The following IL1RAP variants were observed in gnomAD, a reference collection of about 807,000 sequenced individuals.
The protein encoded by IL1RAP is interleukin 1 receptor accessory protein, also known as interleukin-1 receptor accessory protein.
Under a neutral mutation model 60.7 loss-of-function variants are expected in IL1RAP, and 35 were observed. The observed-to-expected ratio is 0.58, with a 90% CI of 0.44 to 0.76. The LOEUF (loss-of-function observed/expected upper bound fraction) is 0.76. Among genes scored for constraint, IL1RAP ranks in the 30% least tolerant of loss-of-function variants. The probability of loss-of-function intolerance (pLI) is 0.00; values close to 1 mark genes in which losing one functional copy is unlikely to be tolerated. For missense variants in IL1RAP, 572 were observed against 693.9 expected (o/e 0.82, Z 1.97); for synonymous variants, 268 against 250.9 (o/e 1.07, Z -0.64).
chr3:190,565,855 A>G (rs530750228), intron 3 of IL1RAP, among the ~76,000 whole-genome samples: 3 of 152,240 alleles, frequency 2.0e-5, no homozygotes, highest in Non-Finnish European at 2.9e-5. Context: ...TTCCTTGACC[A>G]TCTTAACTAA....
At chr3:190,639,858 T>C (rs1733524496) in intron 9 of IL1RAP, among the ~76,000 whole-genome samples, 1 of 152,208 alleles carries the variant, frequency 6.6e-6, no homozygotes, top group Non-Finnish European at 1.5e-5. Context: ...TTCTAAAGCA[T>C]GTCATACCTG....
exon 12 of IL1RAP, chr3:190,657,638 C>A (rs1577842509): frequency 1.3e-5 from 2 of 152,156 alleles, no homozygotes; most frequent in East Asian, 3.9e-4. Flanking sequence ...GGGACATAGG[C>A]ACAGATAGTT....
chr3:190,600,192 C>T (rs145139593), intron 3 of IL1RAP, among the ~76,000 whole-genome samples: 13 of 152,246 alleles, frequency 8.5e-5, no homozygotes, highest in Admixed American at 6.5e-5. Context: ...GATGTGGCTG[C>T]ACAATTTTCT....
intron 1 of IL1RAP, among the ~76,000 whole-genome samples, chr3:190,520,993 G>T (rs984416924): frequency 6.6e-6 from 1 of 152,140 alleles, no homozygotes; most frequent in Non-Finnish European, 1.5e-5. Context: ...GACTTTGGCC[G>T]AATTATTTGG....
At position 190,649,148 on chromosome 3, in the gene IL1RAP, T is replaced by C; in HGVS notation, c.*443T>C. The C allele has an allele frequency of 4.1e-6, 4 of 987,290 alleles. No individual in the cohort carries two copies. In the South Asian group the frequency reaches 1.9e-4, roughly 46 times the overall value. The allele number at this position is 987,290 out of a possible 1,614,324, so 61.2% of individuals were successfully genotyped here. A position where few individuals can be genotyped will look rare whatever the true frequency, so the allele number is the denominator to read the frequency against. On this transcript the variant is annotated 3_prime_UTR_variant, in exon 12 of 12. Transcript: ENST00000447382. ...TATTTTTACTCGTCCGTTGAAAAGA[T>C]AATCAAGGCCTACATTTTAGCTGAG...
At position 190,581,533 on chromosome 3, in the gene IL1RAP, A is replaced by C. The variant is rs73886492; in HGVS notation, c.64+17180A>C. 3.1e-3 allele frequency among the ~76,000 whole-genome samples: 474 copies of C among 152,322 alleles called. 3 individuals are homozygous for C. Among genetic ancestry groups the C allele is most frequent in the African/African-American group, 0.011 (443 of 41,570 alleles). The stretch of plus-strand genomic sequence containing the variant: ...TCCAAATGTGAGCAAACCCTTGCCC[A>C]GCAGAGTTTTCACAAAATCCAGATG... On this transcript the variant is annotated intron_variant, in intron 3 of 11. Coordinates refer to ENST00000447382, the MANE Select transcript of IL1RAP (RefSeq NM_002182.4).
chr3:190,565,179 G>C (rs151238772), intron 3 of IL1RAP, among the ~76,000 whole-genome samples: 23 of 146,486 alleles, frequency 1.6e-4, no homozygotes, highest in Middle Eastern at 3.6e-3. Context: ...AAAAAAAAAA[G>C]AAACAAACAA....
intron 4 of IL1RAP, 73 bp downstream of exon 4, chr3:190,604,486 C>T: frequency 2.7e-6 from 4 of 1,467,130 alleles, no homozygotes. Flanking sequence ...GATCCGTGTG[C>T]TAGGAAGCTG....
At chr3:190,605,222 C>A (rs1359285465) in intron 4 of IL1RAP, among the ~76,000 whole-genome samples, 1 of 152,126 alleles carries the variant, frequency 6.6e-6, no homozygotes, top group Non-Finnish European at 1.5e-5. Context: ...TTTACCATGA[C>A]TGTAAAATTT....
At chr3:190,554,060 C>CAAAAAAA (rs1166716731) in intron 1 of IL1RAP, among the ~76,000 whole-genome samples, 2 of 87,910 alleles carry the variant, frequency 2.3e-5, no homozygotes, top group African/African-American at 5.1e-5. Context: ...GACTCCGTCT[C>CAAAAAAA]AAAAAAAAAA....
At chr3:190,564,852 G>A (rs988925765) in intron 3 of IL1RAP, among the ~76,000 whole-genome samples, 15 of 152,094 alleles carry the variant, frequency 9.9e-5, no homozygotes, top group African/African-American at 3.4e-4. Context: ...TTTATAAGAG[G>A]AACCAGCTAA....
intron 5 of IL1RAP, among the ~76,000 whole-genome samples, chr3:190,617,507 T>C (rs570515922): frequency 2.0e-4 from 30 of 152,336 alleles, no homozygotes; most frequent in South Asian, 6.2e-4. Flanking sequence ...GAGGAACTAA[T>C]GGGTCAACTA....
At chr3:190,657,639 A>G (rs1235149618) in exon 12 of IL1RAP, 1 of 152,214 alleles carries the variant, frequency 6.6e-6, no homozygotes, top group Non-Finnish European at 1.5e-5. Context: ...GGACATAGGC[A>G]CAGATAGTTA....
intron 5 of IL1RAP, among the ~76,000 whole-genome samples, chr3:190,619,527 C>T (rs1481494637): frequency 6.6e-6 from 1 of 152,030 alleles, no homozygotes; most frequent in Non-Finnish European, 1.5e-5. Context: ...GAGTTCAAGA[C>T]CAGCCTGGAC....
chr3:190,605,492 G>T (rs1039141249), intron 4 of IL1RAP, among the ~76,000 whole-genome samples: 1 of 151,992 alleles, frequency 6.6e-6, no homozygotes, highest in African/African-American at 2.4e-5. Flanking sequence ...CTCCCATCCG[G>T]GTTATTTTTT....
chr3:190,552,644 G>C (rs150984794), intron 1 of IL1RAP, among the ~76,000 whole-genome samples: 14 of 151,906 alleles, frequency 9.2e-5, no homozygotes, highest in African/African-American at 3.1e-4. Flanking sequence ...ACTACACCCA[G>C]TCCCCACAAG....
intron 3 of IL1RAP, among the ~76,000 whole-genome samples, chr3:190,567,161 G>A (rs1297328471): frequency 1.3e-5 from 2 of 152,118 alleles, no homozygotes; most frequent in African/African-American, 4.8e-5. Context: ...GAAGTCATAC[G>A]ATTCTGACTT....
downstream of IL1RAP, among the ~76,000 whole-genome samples, chr3:190,652,766 T>C (rs2108872438): frequency 6.6e-6 from 1 of 152,328 alleles, no homozygotes; most frequent in African/African-American, 2.4e-5. Context: ...ATATGAGTTT[T>C]TTGCACTGGA....
downstream of IL1RAP, among the ~76,000 whole-genome samples, chr3:190,655,502 A>G (rs578052192): frequency 6.6e-6 from 1 of 151,486 alleles, no homozygotes; most frequent in East Asian, 1.9e-4. Context: ...ACAGAGCTGA[A>G]ATGACTTGCT....
Sources: allele counts gnomAD v4.1 joint callset (sites outside exome capture counted in the v4.1 genomes callset), GRCh38; gene constraint gnomAD v4.1.1; transcripts MANE v1.5; gene names NCBI Gene and HGNC (gene_info 2026-07-23, HGNC 2026-07-21).